The following PIWIL4 variants were observed in gnomAD, a reference collection of about 807,000 sequenced individuals.
PIWIL4 encodes the protein piwi-like protein 4.
Under a neutral mutation model 100.9 loss-of-function variants are expected in PIWIL4, and 50 were observed. The observed-to-expected ratio is 0.50, with a 90% confidence interval of 0.39 to 0.63. PIWIL4 has a LOEUF of 0.63. Ranked by LOEUF, PIWIL4 falls within the 20% of genes least tolerant of loss-of-function variation. The probability of loss-of-function intolerance (pLI) is 0.00; values close to 1 mark genes in which losing one functional copy is unlikely to be tolerated. For synonymous variants in PIWIL4, 342 were observed against 367.5 expected (o/e 0.93, Z 0.79); for missense variants, 887 against 1,043.3 (o/e 0.85, Z 2.06).
chr11:94,611,379 T>C (rs981355446), intron 15 of PIWIL4, among the ~76,000 whole-genome samples: 2 of 152,188 alleles, frequency 1.3e-5, no homozygotes, highest in Non-Finnish European at 2.9e-5. Flanking sequence ...TTTTTTCACA[T>C]AGGCATTTAT....
At chr11:94,607,713 C>A in intron 14 of PIWIL4, 74 bp downstream of exon 14, 5 of 1,391,672 alleles carry the variant, frequency 3.6e-6, no homozygotes, top group Non-Finnish European at 4.9e-6. Flanking sequence ...GAGATGTTAT[C>A]ACATGATCCC....
At chr11:94,588,428 C>T (rs1242873971) in intron 7 of PIWIL4, among the ~76,000 whole-genome samples, 2 of 152,146 alleles carry the variant, frequency 1.3e-5, no homozygotes, top group Non-Finnish European at 2.9e-5. Flanking sequence ...CCACACTACT[C>T]GGTATGAGAA....
intron 1 of PIWIL4, chr11:94,567,891 G>A: frequency 3.3e-6 from 3 of 910,038 alleles, no homozygotes; most frequent in Non-Finnish European, 4.0e-6. Flanking sequence ...TCATGATTTC[G>A]TTTTAAATTG....
chr11:94,588,156 TC>T (rs1948430862), intron 7 of PIWIL4, among the ~76,000 whole-genome samples: 1 of 151,064 alleles, frequency 6.6e-6, no homozygotes, highest in African/African-American at 2.4e-5. Flanking sequence ...TTTCCCCTCC[TC>T]GTGTCCATGT....
chr11:94,574,337 G>A lies in PIWIL4; in HGVS notation c.167-662G>A, dbSNP rs537375452. 6.6e-5 allele frequency among the ~76,000 whole-genome samples: 10 copies of A among 152,266 alleles called. No homozygotes were observed. The East Asian group carries it at 1.7e-3, about 26-fold the overall frequency. On this transcript the variant is annotated intron_variant, in intron 2 of 19. Coordinates refer to ENST00000299001, the MANE Select transcript of PIWIL4 (RefSeq NM_152431.3). Reference sequence around the variant, plus strand: ...ATCTTCTTTCTGGGCAGAAGTTGCTGAGGACAGAAGTTAGTCTGTAATCCT... The same window carrying A: ...ATCTTCTTTCTGGGCAGAAGTTGCTAAGGACAGAAGTTAGTCTGTAATCCT...
chr11:94,584,988 C>T (rs1948378685), intron 5 of PIWIL4, among the ~76,000 whole-genome samples: 1 of 152,174 alleles, frequency 6.6e-6, no homozygotes, highest in African/African-American at 2.4e-5. Flanking sequence ...ATCGCTTAAC[C>T]CGGGAGGCGG....
chr11:94,602,017 G>A, intron 12 of PIWIL4, 38 bp downstream of exon 12: 1 of 1,570,246 alleles, frequency 6.4e-7, no homozygotes, highest in Non-Finnish European at 8.6e-7. Context: ...TATTAATTTG[G>A]TTTGGTTAGA....
intron 13 of PIWIL4, 30 bp from the exon 14 acceptor site, chr11:94,607,409 T>C: frequency 6.3e-7 from 1 of 1,584,212 alleles, no homozygotes; most frequent in Non-Finnish European, 8.7e-7. Context: ...TAAATTAACT[T>C]CCAAAATCTT....
intron 4 of PIWIL4, among the ~76,000 whole-genome samples, chr11:94,582,263 A>C (rs1391580901): frequency 1.3e-5 from 2 of 152,182 alleles, no homozygotes; most frequent in Non-Finnish European, 2.9e-5. Flanking sequence ...AAGCCCCTGC[A>C]GCAGTTTGAG....
chr11:94,611,187 A>T (rs528985771), intron 15 of PIWIL4, among the ~76,000 whole-genome samples: 1 of 152,300 alleles, frequency 6.6e-6, no homozygotes, highest in African/African-American at 2.4e-5. Context: ...TTGTAATATA[A>T]TTTGAAATCA....
chr11:94,580,545 C>G (rs1441395398), intron 4 of PIWIL4, among the ~76,000 whole-genome samples: 4 of 152,300 alleles, frequency 2.6e-5, no homozygotes, highest in Middle Eastern at 6.8e-3. Context: ...TTATAAAGAG[C>G]CTACTCTGAA....
intron 15 of PIWIL4, among the ~76,000 whole-genome samples, chr11:94,612,664 A>G (rs905613578): frequency 1.3e-5 from 2 of 152,030 alleles, no homozygotes; most frequent in African/African-American, 4.8e-5. Context: ...ATTTTCTGCA[A>G]TAGTATGCTT....
intron 4 of PIWIL4, among the ~76,000 whole-genome samples, chr11:94,578,333 G>C (rs1369981743): frequency 6.6e-6 from 1 of 152,168 alleles, no homozygotes; most frequent in Non-Finnish European, 1.5e-5. Context: ...GGCAAGCGTT[G>C]AATGGAAAGT....
chr11:94,619,295 C>G (rs1397196429), intron 17 of PIWIL4, among the ~76,000 whole-genome samples: 1 of 152,060 alleles, frequency 6.6e-6, no homozygotes, highest in African/African-American at 2.4e-5. Context: ...CATCCATCCA[C>G]CCAGGCATGA....
chr11:94,616,613 A>G, intron 16 of PIWIL4, 50 bp downstream of exon 16: 1 of 1,433,256 alleles, frequency 7.0e-7, no homozygotes, highest in South Asian at 1.2e-5. Flanking sequence ...GTTCCTTCAG[A>G]CCTCAAATCC....
intron 7 of PIWIL4, 28 bp from the exon 8 acceptor site, chr11:94,589,093 C>A (rs1948443567): frequency 6.5e-7 from 1 of 1,531,056 alleles, no homozygotes; most frequent in African/African-American, 1.4e-5. Flanking sequence ...GATTAAAAAA[C>A]AATTTAAAGA....
chr11:94,572,104 TC>T (rs1948163621), intron 2 of PIWIL4, among the ~76,000 whole-genome samples: 1 of 152,280 alleles, frequency 6.6e-6, no homozygotes, highest in Non-Finnish European at 1.5e-5. Flanking sequence ...AAGTCTCTGT[TC>T]ATATCCTTGG....
At chr11:94,616,194 T>G (rs1257779724) in intron 15 of PIWIL4, among the ~76,000 whole-genome samples, 1 of 152,206 alleles carries the variant, frequency 6.6e-6, no homozygotes, top group Non-Finnish European at 1.5e-5. Context: ...TAAATCTCCT[T>G]GGTACAGATG....
intron 1 of PIWIL4, chr11:94,567,903 C>T (rs1012785833): frequency 1.8e-5 from 15 of 849,726 alleles, no homozygotes; most frequent in African/African-American, 1.8e-5. Flanking sequence ...TTTAAATTGC[C>T]TTGTAAAAAG....
Sources: allele counts gnomAD v4.1 joint callset (sites outside exome capture counted in the v4.1 genomes callset), GRCh38; gene constraint gnomAD v4.1.1; transcripts MANE v1.5; gene names NCBI Gene and HGNC (gene_info 2026-07-23, HGNC 2026-07-21).